VPS37C: variants seen among roughly 807,000 people sequenced by gnomAD.
VPS37C encodes vacuolar protein sorting-associated protein 37C.
A neutral mutation model predicts 16.1 loss-of-function variants in VPS37C; 9 were observed. The observed-to-expected ratio is 0.56, with a 90% confidence interval of 0.34 to 0.97. VPS37C has a LOEUF of 0.97. Ranked by LOEUF, VPS37C falls within the 50% of genes least tolerant of loss-of-function variation. The pLI is 0.02. For synonymous variants in VPS37C, 207 were observed against 206.4 expected, an observed-to-expected ratio of 1.00 and a Z score of -0.02; for missense variants, 479 against 472.7, an observed-to-expected ratio of 1.01 and a Z score of -0.12.
At chr11:61,155,543 G>C (rs1853364864) in intron 1 of VPS37C, among the ~76,000 whole-genome samples, 1 of 151,688 alleles carries the variant, frequency 6.6e-6, no homozygotes, top group South Asian at 2.1e-4. Context: ...GCAGACTACT[G>C]ATATGAAACA....
chr11:61,139,745 T>G (rs1590787103), intron 1 of VPS37C, among the ~76,000 whole-genome samples: 2 of 141,976 alleles, frequency 1.4e-5, no homozygotes, highest in South Asian at 4.4e-4. Context: ...CCATAGCTTT[T>G]TTTTTTTTTT....
chr11:61,150,395 G>T (rs1181689813), intron 1 of VPS37C, among the ~76,000 whole-genome samples: 3 of 152,022 alleles, frequency 2.0e-5, no homozygotes, highest in Non-Finnish European at 4.4e-5. Flanking sequence ...CCTAAGGCTG[G>T]CTGTCTTGCC....
At chr11:61,156,803 T>C (rs1183622024) in intron 1 of VPS37C, among the ~76,000 whole-genome samples, 1 of 152,226 alleles carries the variant, frequency 6.6e-6, no homozygotes, top group African/African-American at 2.4e-5. Context: ...TACATTTACT[T>C]TGTCATACAA....
In VPS37C at chr11:61,138,845, C is replaced by G. The variant is rs772940241; in HGVS notation, c.-6-10G>C. 7 of 1,613,558 alleles carry G rather than the reference C, an allele frequency of 4.3e-6. No homozygotes were observed. The highest frequency in any genetic ancestry group is 5.9e-6 in the Non-Finnish European group (7 of 1,179,556). On this transcript the variant is annotated splice_polypyrimidine_tract_variant and intron_variant, in intron 1 of 4. Coordinates refer to ENST00000301765, the MANE Select transcript of VPS37C (RefSeq NM_017966.5). Reference sequence around the variant, plus strand: ...GCGTCTCCATCCTTCCCTGTGAACACAGTGACACCAAAGTAACGAACAGGC... The same window carrying G: ...GCGTCTCCATCCTTCCCTGTGAACAGAGTGACACCAAAGTAACGAACAGGC...
At chr11:61,136,768 TATAG>T (rs1861383569) in intron 2 of VPS37C, among the ~76,000 whole-genome samples, 1 of 152,218 alleles carries the variant, frequency 6.6e-6, no homozygotes, top group African/African-American at 2.4e-5. Flanking sequence ...TACTAACCTT[TATAG>T]ATAATTATCA....
In VPS37C at chr11:61,133,325, G is replaced by GA; in HGVS notation, c.277dup (p.Ser93PhefsTer28). 1 of 1,614,116 alleles carries GA rather than the reference G, an allele frequency of 6.2e-7. No individual in the cohort carries two copies. The highest frequency in any genetic ancestry group is 8.5e-7 in the Non-Finnish European group (1 of 1,180,018). On this transcript the variant is annotated frameshift_variant, in exon 4 of 5. Transcript: ENST00000301765. LOFTEE classifies it high-confidence loss of function. ...TAACAAGGTCCCTGGCTGCAGTGCT[G>GA]AAGAAAATTTCTCTGGAAGGGAGGG...
At chr11:61,152,093 G>C (rs1290024163) in intron 1 of VPS37C, among the ~76,000 whole-genome samples, 1 of 152,172 alleles carries the variant, frequency 6.6e-6, no homozygotes, top group Non-Finnish European at 1.5e-5. Flanking sequence ...TTTAAGGAGG[G>C]ATCAAGAGGA....
At chr11:61,139,582 C>T (rs1315944234) in intron 1 of VPS37C, among the ~76,000 whole-genome samples, 1 of 152,016 alleles carries the variant, frequency 6.6e-6, no homozygotes, top group African/African-American at 2.4e-5. Flanking sequence ...AGAGGGCCAT[C>T]GATTGTCTGT....
chr11:61,132,320 C>T lies in VPS37C; in HGVS notation c.568G>A (p.Val190Ile). ...AATGGTGGCTGCGGCTGCTCTTCAA[C>T]CACAGGGGGTGTTCCCTGGGGGACT... ...RPVPQGTPPVVEEQPQPPLAM... is the reference protein window; with the variant it reads ...RPVPQGTPPVIEEQPQPPLAM... Residue 190 changes from valine (V) to isoleucine (I), a missense_variant, in exon 5 of 5, where the codon GTT (valine) becomes ATT (isoleucine). By Grantham distance (29) the Val-to-Ile change is conservative. Transcript: ENST00000301765. 6.3e-7 allele frequency: 1 copy of T among 1,595,084 alleles called. No homozygotes were observed. The highest frequency in any genetic ancestry group is 8.6e-7 in the Non-Finnish European group (1 of 1,169,114).
chr11:61,149,909 CAGA>C (rs1333024626), intron 1 of VPS37C, among the ~76,000 whole-genome samples: 1 of 152,134 alleles, frequency 6.6e-6, no homozygotes, highest in African/African-American at 2.4e-5. Flanking sequence ...CCCAGAGTGG[CAGA>C]AGACTTCAGG....
At chr11:61,150,557 G>GTT (rs569932213) in intron 1 of VPS37C, among the ~76,000 whole-genome samples, 41 of 147,208 alleles carry the variant, frequency 2.8e-4, no homozygotes, top group Middle Eastern at 3.5e-3. Context: ...AAGGAGTTTT[G>GTT]TTTTTTTTTT....
chr11:61,151,339 T>C (rs190889579), intron 1 of VPS37C, among the ~76,000 whole-genome samples: 1 of 152,276 alleles, frequency 6.6e-6, no homozygotes, highest in East Asian at 1.9e-4. Flanking sequence ...GCCCTCAGAC[T>C]AAAGTCCAAA....
intron 2 of VPS37C, among the ~76,000 whole-genome samples, chr11:61,134,945 G>A (rs187304929): frequency 6.6e-6 from 1 of 152,316 alleles, no homozygotes; most frequent in Non-Finnish European, 1.5e-5. Context: ...GTGATGTGAC[G>A]CCCCATGCAT....
intron 1 of VPS37C, among the ~76,000 whole-genome samples, chr11:61,139,953 G>A (rs1861447048): frequency 1.3e-5 from 2 of 152,192 alleles, no homozygotes; most frequent in South Asian, 4.2e-4. Context: ...ATTTTGACCA[G>A]GCTGGTCTCG....
In VPS37C at chr11:61,131,746, C is replaced by G; in HGVS notation, c.*74G>C. The stretch of plus-strand genomic sequence containing the variant: ...ACCAACGCCACTTCCAGTTGACCCT[C>G]GAATCTCGGCGATGGCTGGGCCAAA... On this transcript the variant is annotated 3_prime_UTR_variant, in exon 5 of 5. Coordinates refer to ENST00000301765, the MANE Select transcript of VPS37C (RefSeq NM_017966.5). The G allele has an allele frequency of 3.2e-6, 4 of 1,234,324 alleles. No individual in the cohort carries two copies. Among genetic ancestry groups the G allele is most frequent in the Non-Finnish European group, 4.0e-6 (4 of 988,860 alleles). 76.5% of individuals were successfully genotyped at this position (1,234,324 alleles called of 1,614,324 possible). A position where few individuals can be genotyped will look rare whatever the true frequency, so the allele number is the denominator to read the frequency against.
chr11:61,153,308 C>CCTG (rs1291459266), intron 1 of VPS37C, among the ~76,000 whole-genome samples: 1 of 152,236 alleles, frequency 6.6e-6, no homozygotes, highest in Non-Finnish European at 1.5e-5. Context: ...CACTGTCTCA[C>CCTG]CTGCCGCCAT....
At chr11:61,160,819 G>C (rs1490496194) in intron 1 of VPS37C, among the ~76,000 whole-genome samples, 1 of 152,206 alleles carries the variant, frequency 6.6e-6, no homozygotes, top group African/African-American at 2.4e-5. Flanking sequence ...GGGTCCCGGG[G>C]TAAGAAATGT....
chr11:61,160,752 T>A (rs1013133691), intron 1 of VPS37C, among the ~76,000 whole-genome samples: 2 of 152,114 alleles, frequency 1.3e-5, no homozygotes, highest in Non-Finnish European at 2.9e-5. Context: ...GAGGAGGAAA[T>A]GAAGAGGAAC....
intron 1 of VPS37C, among the ~76,000 whole-genome samples, chr11:61,150,007 C>T (rs1445621063): frequency 6.6e-6 from 1 of 152,148 alleles, no homozygotes; most frequent in East Asian, 1.9e-4. Context: ...CCCCCTAGGT[C>T]GCTGGCTTGG....
Sources: gnomAD v4.1 joint callset for allele counts (sites outside exome capture counted in the v4.1 genomes callset) on GRCh38, gnomAD v4.1.1 for gene constraint, MANE v1.5 for transcripts, NCBI Gene and HGNC (gene_info 2026-07-23, HGNC 2026-07-21) for gene names.